The following SGCZ variants were observed in gnomAD, a reference collection of about 807,000 sequenced individuals.
The protein encoded by SGCZ is zeta-sarcoglycan.
SGCZ carries 40 observed loss-of-function variants against 41.3 expected under a neutral mutation model. The ratio of observed to expected loss-of-function variants is 0.97; its 90% CI spans 0.75 to 1.26. The LOEUF (loss-of-function observed/expected upper bound fraction) is 1.26, where lower values mean the gene tolerates loss of function less well. Ranked by LOEUF, SGCZ falls within the 50% of genes most tolerant of loss-of-function variation. The probability of loss-of-function intolerance (pLI) is 0.00; values close to 1 mark genes in which losing one functional copy is unlikely to be tolerated. For missense variants in SGCZ, 552 were observed against 369.8 expected, an observed-to-expected ratio of 1.49 and a Z score of -4.04; for synonymous variants, 206 against 137.5, an observed-to-expected ratio of 1.50 and a Z score of -3.49.
At position 14,621,229 on chromosome 8, in the gene SGCZ, T is replaced by G. The variant is rs182004165; in HGVS notation, c.40-66303A>C. ...GCATGTTCTCACTCATAGGTGGGAA[T>G]TGAACAATGAGAACACTTGGACACA... On this transcript the variant is annotated intron_variant, in intron 1 of 7. Coordinates refer to ENST00000382080, the MANE Select transcript of SGCZ (RefSeq NM_139167.4). 1.5e-4 allele frequency among the ~76,000 whole-genome samples: 21 copies of G among 137,844 alleles called. 1 individual carries two copies. Among genetic ancestry groups the G allele is most frequent in the Admixed American group, 1.5e-3 (18 of 12,098 alleles). The allele number at this position is 137,844 out of a possible 152,430, so 90.4% of individuals were successfully genotyped here. A position where few individuals can be genotyped will look rare whatever the true frequency, so the allele number is the denominator to read the frequency against.
chr8:14,703,557 G>C (rs1809237835), intron 1 of SGCZ, among the ~76,000 whole-genome samples: 1 of 151,840 alleles, frequency 6.6e-6, no homozygotes. Context: ...AGCTACACAA[G>C]GGCAGAAACT....
At chr8:15,231,226 A>G (rs577347134) in intron 1 of SGCZ, among the ~76,000 whole-genome samples, 1 of 152,146 alleles carries the variant, frequency 6.6e-6, no homozygotes, top group South Asian at 2.1e-4. Context: ...TTCTGGCTGG[A>G]TGCTAAAATC....
intron 2 of SGCZ, among the ~76,000 whole-genome samples, chr8:14,494,939 T>C (rs1801947871): frequency 6.6e-6 from 1 of 152,224 alleles, no homozygotes; most frequent in Admixed American, 6.5e-5. Flanking sequence ...ATATTGTTCC[T>C]TGTCACTTTT....
At chr8:14,494,427 A>C (rs1801931419) in intron 2 of SGCZ, among the ~76,000 whole-genome samples, 1 of 152,180 alleles carries the variant, frequency 6.6e-6, no homozygotes, top group South Asian at 2.1e-4. Flanking sequence ...ATGAGAGAAG[A>C]AGAATGATAT....
chr8:14,269,643 C>G (rs1011867106), intron 3 of SGCZ, among the ~76,000 whole-genome samples: 1 of 152,084 alleles, frequency 6.6e-6, no homozygotes, highest in Non-Finnish European at 1.5e-5. Flanking sequence ...AGATAAATTT[C>G]TGATGATAGT....
chr8:14,961,809 T>G (rs188562668), intron 1 of SGCZ, among the ~76,000 whole-genome samples: 2 of 151,968 alleles, frequency 1.3e-5, no homozygotes, highest in Non-Finnish European at 2.9e-5. Flanking sequence ...AGCAGTTGGG[T>G]AGTACAGGAT....
chr8:15,071,838 G>C (rs904491500), intron 1 of SGCZ, among the ~76,000 whole-genome samples: 2 of 152,150 alleles, frequency 1.3e-5, no homozygotes, highest in Non-Finnish European at 2.9e-5. Flanking sequence ...TAAAGAAGGA[G>C]AAGTGACTGA....
intron 1 of SGCZ, among the ~76,000 whole-genome samples, chr8:14,867,809 T>C (rs1026014464): frequency 2.6e-5 from 4 of 151,522 alleles, no homozygotes; most frequent in East Asian, 2.0e-4. Context: ...AAATAACTAA[T>C]AGATACCAGG....
At chr8:14,668,071 C>T (rs1271890081) in intron 1 of SGCZ, among the ~76,000 whole-genome samples, 1 of 152,170 alleles carries the variant, frequency 6.6e-6, no homozygotes. Flanking sequence ...ATTCTCCTGC[C>T]TCAGCCTCCC....
At chr8:14,425,770 A>C (rs943423351) in intron 2 of SGCZ, among the ~76,000 whole-genome samples, 24 of 152,320 alleles carry the variant, frequency 1.6e-4, no homozygotes, top group African/African-American at 5.8e-4. Context: ...TCTATAACTT[A>C]AGAAGTAGTA....
At chr8:14,905,908 C>A (rs1247205402) in intron 1 of SGCZ, among the ~76,000 whole-genome samples, 2 of 151,820 alleles carry the variant, frequency 1.3e-5, no homozygotes, top group African/African-American at 4.8e-5. Context: ...CAAATATACA[C>A]ACTTATATTG....
At chr8:14,594,844 A>AT (rs368753796) in intron 1 of SGCZ, among the ~76,000 whole-genome samples, 3,341 of 151,704 alleles carry the variant, frequency 0.022, 74 homozygotes, top group East Asian at 0.059. Flanking sequence ...TTCCTTAAAA[A>AT]TTTTTTTACC....
At chr8:14,338,288 G>C (rs528380667) in intron 2 of SGCZ, among the ~76,000 whole-genome samples, 17 of 152,268 alleles carry the variant, frequency 1.1e-4, no homozygotes, top group African/African-American at 3.8e-4. Flanking sequence ...TGAAGGATTT[G>C]CCCCAACTAT....
In SGCZ at chr8:14,309,376, T is replaced by C. The variant is rs1289657034; in HGVS notation, c.336+14727A>G. On this transcript the variant is annotated intron_variant, in intron 3 of 7. Coordinates refer to ENST00000382080, the MANE Select transcript of SGCZ (RefSeq NM_139167.4). ...GACGATGGCTAATTACATTGAACAG[T>C]CAGCAGAGACGAAGTGACCTCGATC... 180 of 1,605,038 alleles carry C rather than the reference T, an allele frequency of 1.1e-4. 1 individual carries two copies. In the East Asian group the frequency reaches 4.0e-3, roughly 36 times the overall value.
At chr8:14,185,603 A>C (rs1804877979) in intron 4 of SGCZ, among the ~76,000 whole-genome samples, 1 of 152,028 alleles carries the variant, frequency 6.6e-6, no homozygotes. Context: ...AGCTCCTCTC[A>C]TAGTACTTTT....
At chr8:14,355,153 T>A (rs1803248644) in intron 2 of SGCZ, among the ~76,000 whole-genome samples, 1 of 152,058 alleles carries the variant, frequency 6.6e-6, no homozygotes, top group Non-Finnish European at 1.5e-5. Context: ...CACATTTTGT[T>A]CATTCCCAAA....
chr8:14,854,339 A>G (rs982700660), intron 1 of SGCZ, among the ~76,000 whole-genome samples: 4 of 151,864 alleles, frequency 2.6e-5, no homozygotes, highest in Non-Finnish European at 4.4e-5. Flanking sequence ...TATTCATTGA[A>G]TAAGATAATA....
chr8:14,996,402 G>A (rs994153637), intron 1 of SGCZ, among the ~76,000 whole-genome samples: 9 of 152,134 alleles, frequency 5.9e-5, no homozygotes, highest in Non-Finnish European at 1.3e-4. Context: ...ATTTTATTTT[G>A]TTTTTGTTTT....
rs189993220 is a variant in SGCZ, at chr8:14,477,767, G to A, written c.234+76965C>T. ...CACATGTAAAAGAGAAGGAAATGTA[G>A]GAAATGTGTCTGAAAAATCATACCT... is the stretch of plus-strand genomic sequence containing the variant. On this transcript the variant is annotated intron_variant, in intron 2 of 7. Transcript: ENST00000382080. Among the ~76,000 whole-genome samples the A allele has an allele frequency of 1.2e-4, 19 of 152,232 alleles. No individual in the cohort carries two copies. In the East Asian group the frequency reaches 3.7e-3, roughly 29 times the overall value.
Sources: gnomAD v4.1 joint callset for allele counts (sites outside exome capture counted in the v4.1 genomes callset) on GRCh38, gnomAD v4.1.1 for gene constraint, MANE v1.5 for transcripts, NCBI Gene and HGNC (gene_info 2026-07-23, HGNC 2026-07-21) for gene names.